PDGFC: variants seen among roughly 807,000 people sequenced by gnomAD.
PDGFC encodes platelet-derived growth factor C.
PDGFC carries 12 observed loss-of-function variants against 35.5 expected under a neutral mutation model. The observed-to-expected ratio is 0.34, with a 90% confidence interval of 0.22 to 0.55. PDGFC has a LOEUF of 0.55. Ranked by LOEUF, PDGFC falls within the 20% of genes least tolerant of loss-of-function variation. The probability of loss-of-function intolerance (pLI) is 0.91; values close to 1 mark genes in which losing one functional copy is unlikely to be tolerated. For synonymous variants in PDGFC, 159 were observed against 148.8 expected (o/e 1.07, Z -0.50); for missense variants, 322 against 412.4 (o/e 0.78, Z 1.90).
intron 1 of PDGFC, among the ~76,000 whole-genome samples, chr4:156,927,725 G>T: frequency 6.6e-6 from 1 of 152,002 alleles, no homozygotes. Flanking sequence ...AGTCTCTAGG[G>T]AGTCCCAAAC....
chr4:156,854,382 C>T (rs1579057248), intron 1 of PDGFC, among the ~76,000 whole-genome samples: 1 of 152,196 alleles, frequency 6.6e-6, no homozygotes, highest in Middle Eastern at 3.4e-3. Context: ...TTTGTGTTTA[C>T]ATTTTTTCCT....
intron 2 of PDGFC, among the ~76,000 whole-genome samples, chr4:156,847,061 TG>T (rs1342615572): frequency 6.6e-6 from 1 of 150,932 alleles, no homozygotes; most frequent in East Asian, 1.9e-4. Context: ...AAGGAAGAAA[TG>T]AAAAAAGGAA....
chr4:156,770,745 T>C (rs554820618), intron 4 of PDGFC: 18 of 152,148 alleles, frequency 1.2e-4, no homozygotes, highest in Non-Finnish European at 2.1e-4. Flanking sequence ...ATGTCATTAA[T>C]ATTATACGTT....
intron 1 of PDGFC, among the ~76,000 whole-genome samples, chr4:156,947,487 AAGAC>A (rs1227375739): frequency 2.6e-5 from 4 of 152,040 alleles, no homozygotes; most frequent in Admixed American, 2.0e-4. Flanking sequence ...ATGACAATGA[AAGAC>A]AGGACAACAA....
At chr4:156,924,157 T>G (rs1278399221) in intron 1 of PDGFC, among the ~76,000 whole-genome samples, 5 of 152,230 alleles carry the variant, frequency 3.3e-5, no homozygotes, top group Non-Finnish European at 7.3e-5. Flanking sequence ...TAACAATTTT[T>G]GCTCTCTGCA....
chr4:156,902,358 A>G (rs1466022865), intron 1 of PDGFC, among the ~76,000 whole-genome samples: 1 of 152,178 alleles, frequency 6.6e-6, no homozygotes, highest in East Asian at 1.9e-4. Flanking sequence ...TGAAACTAAC[A>G]TAAAGTCACA....
chr4:156,817,134 T>A (rs1345191227), intron 2 of PDGFC, among the ~76,000 whole-genome samples: 1 of 152,058 alleles, frequency 6.6e-6, no homozygotes, highest in Non-Finnish European at 1.5e-5. Flanking sequence ...AACTACTCAT[T>A]TAAAATCATG....
intron 1 of PDGFC, among the ~76,000 whole-genome samples, chr4:156,907,145 A>G (rs187342600): frequency 6.6e-6 from 1 of 152,336 alleles, no homozygotes; most frequent in African/African-American, 2.4e-5. Context: ...AAAAATAAAA[A>G]TGGACCAAAA....
At chr4:156,953,457 T>C (rs1440493955) in intron 1 of PDGFC, among the ~76,000 whole-genome samples, 13 of 151,996 alleles carry the variant, frequency 8.6e-5, no homozygotes, top group Admixed American at 8.5e-4. Flanking sequence ...ATATGCTATT[T>C]GGTTTTTCTA....
chr4:156,916,025 T>G (rs1385064575), intron 1 of PDGFC, among the ~76,000 whole-genome samples: 1 of 152,054 alleles, frequency 6.6e-6, no homozygotes, highest in Non-Finnish European at 1.5e-5. Flanking sequence ...CACCCCAAAC[T>G]TCTACAATGG....
At position 156,762,671 on chromosome 4, in the gene PDGFC, G is replaced by C. The variant is rs1233248006; in HGVS notation, c.*419C>G. The C allele has an allele frequency of 6.5e-6, 1 of 153,352 alleles. No individual in the cohort carries two copies. The highest frequency in any genetic ancestry group is 1.4e-5 in the Non-Finnish European group (1 of 69,478). 9.5% of individuals were successfully genotyped at this position (153,352 alleles called of 1,614,324 possible). Reference sequence around the variant, plus strand: ...AGATTTTATACGATTTTAGGCCCAGGACATGGAGCTTTAGAGTTAAGCAAG... The same window carrying C: ...AGATTTTATACGATTTTAGGCCCAGCACATGGAGCTTTAGAGTTAAGCAAG... On this transcript the variant is annotated 3_prime_UTR_variant, in exon 6 of 6. Transcript: ENST00000502773.
Position 156,762,679 on chromosome 4 carries a change from G to A in PDGFC, c.*411C>T, listed in dbSNP as rs1350927119. On this transcript the variant is annotated 3_prime_UTR_variant, in exon 6 of 6. Transcript: ENST00000502773. ...TACGATTTTAGGCCCAGGACATGGA[G>A]CTTTAGAGTTAAGCAAGGCAACGGA... The A allele has an allele frequency of 6.5e-6, 1 of 154,012 alleles. No individual in the cohort carries two copies. The highest frequency in any genetic ancestry group is 1.9e-4 in the East Asian group (1 of 5,264). The allele number at this position is 154,012 out of a possible 1,614,324, so 9.5% of individuals were successfully genotyped here.
At chr4:156,850,086 T>C in intron 2 of PDGFC, 135 bp downstream of exon 2, 1 of 495,626 alleles carries the variant, frequency 2.0e-6, no homozygotes, top group Non-Finnish European at 3.5e-6. Context: ...ATAGCTTCAA[T>C]AAGGCTGGAA....
intron 1 of PDGFC, among the ~76,000 whole-genome samples, chr4:156,855,187 C>T (rs1369052102): frequency 6.6e-6 from 1 of 152,022 alleles, no homozygotes; most frequent in Non-Finnish European, 1.5e-5. Flanking sequence ...GTTTACCATG[C>T]ATTACATACT....
chr4:156,818,522 T>TG (rs1374418540), intron 2 of PDGFC, among the ~76,000 whole-genome samples: 3 of 144,720 alleles, frequency 2.1e-5, no homozygotes, highest in Non-Finnish European at 3.0e-5. Flanking sequence ...AGCTGTTTTT[T>TG]TTTTTTTTTT....
rs376215269 is a variant in PDGFC, at chr4:156,953,858, C to A, written c.118+16928G>T. ...CTCAGAAACTAAGAATACCAGGACA[C>A]AATGGCCTGGATACATTACATATGA... On this transcript the variant is annotated intron_variant, in intron 1 of 5. Transcript: ENST00000502773. 5.7e-4 allele frequency among the ~76,000 whole-genome samples: 87 copies of A among 152,092 alleles called. 1 individual carries two copies. The South Asian group carries it at 0.018, about 31-fold the overall frequency.
intron 1 of PDGFC, among the ~76,000 whole-genome samples, chr4:156,950,500 C>T (rs1450795788): frequency 6.6e-6 from 1 of 151,738 alleles, no homozygotes; most frequent in East Asian, 1.9e-4. Context: ...TAGAAAATCC[C>T]AAGTCTAACT....
At position 156,763,213 on chromosome 4, in the gene PDGFC, G is replaced by A. The variant is rs1474927895; in HGVS notation, c.922-7C>T. 1.4e-6 allele frequency: 2 copies of A among 1,412,466 alleles called. No homozygotes were observed. The highest frequency in any genetic ancestry group is 1.7e-5 in the Admixed American group (1 of 59,738). The allele number at this position is 1,412,466 out of a possible 1,614,324, so 87.5% of individuals were successfully genotyped here. On this transcript the variant is annotated splice_polypyrimidine_tract_variant and splice_region_variant and intron_variant, in intron 5 of 5. Transcript: ENST00000502773. ...TTGGTCTCAACTGAAGGACCTGAAA[G>A]GGAATAAGAGTAAGCCACTTTTAAA...
chr4:156,836,814 A>AT (rs906694220), intron 2 of PDGFC, among the ~76,000 whole-genome samples: 4 of 151,722 alleles, frequency 2.6e-5, no homozygotes, highest in African/African-American at 4.8e-5. Flanking sequence ...TTTGTAAAAG[A>AT]TTTTTTTTTA....
Sources: gnomAD v4.1 joint callset for allele counts (sites outside exome capture counted in the v4.1 genomes callset) on GRCh38, gnomAD v4.1.1 for gene constraint, MANE v1.5 for transcripts, NCBI Gene and HGNC (gene_info 2026-07-23, HGNC 2026-07-21) for gene names.